Variants in FLT1 observed in about 807,000 individuals in gnomAD.
FLT1 encodes vascular endothelial growth factor receptor 1.
In FLT1, 49 loss-of-function variants were observed where a neutral mutation model predicts 156.3. That is an observed-to-expected ratio of 0.31 (90% CI 0.25 to 0.40). The LOEUF is 0.40. Among genes scored for constraint, FLT1 ranks in the 10% least tolerant of loss-of-function variants. FLT1 has a pLI of 1.00. For missense variants in FLT1, 1,322 were observed against 1,637.2 expected (o/e 0.81, Z 3.32); for synonymous variants, 594 against 583.8 (o/e 1.02, Z -0.25).
intron 14 of FLT1, among the ~76,000 whole-genome samples, chr13:28,377,629 C>T (rs757573294): frequency 1.3e-5 from 2 of 152,166 alleles, no homozygotes; most frequent in African/African-American, 4.8e-5. Flanking sequence ...TTTGCAGAGC[C>T]TAGCGCAGTG....
intron 3 of FLT1, among the ~76,000 whole-genome samples, chr13:28,455,547 T>A (rs1879212865): frequency 6.6e-6 from 1 of 152,094 alleles, no homozygotes. Context: ...TCCTAGAATA[T>A]AACAGGAGAA....
chr13:28,378,098 G>A (rs1361386396), intron 14 of FLT1, among the ~76,000 whole-genome samples: 3 of 150,478 alleles, frequency 2.0e-5, no homozygotes, highest in African/African-American at 7.4e-5. Context: ...TGCCAGGCTG[G>A]AGTGCAGTGG....
intron 4 of FLT1, 32 bp from the exon 5 acceptor site, chr13:28,434,252 C>T (rs1877894673): frequency 6.2e-7 from 1 of 1,602,668 alleles, no homozygotes; most frequent in South Asian, 1.1e-5. Context: ...TTAACAAGGT[C>T]CTATTAGCAC....
At chr13:28,426,338 G>C (rs1357562669) in intron 10 of FLT1, among the ~76,000 whole-genome samples, 1 of 151,972 alleles carries the variant, frequency 6.6e-6, no homozygotes, top group African/African-American at 2.4e-5. Context: ...AACAAAAAGA[G>C]GAAAAAGCAA....
At chr13:28,467,979 AT>A in intron 1 of FLT1, among the ~76,000 whole-genome samples, 1 of 152,238 alleles carries the variant, frequency 6.6e-6, no homozygotes, top group South Asian at 2.1e-4. Flanking sequence ...ACTCTCAAGA[AT>A]AAATGTCAGT....
rs1006441378 is a variant in FLT1 at position 28,372,585 on chromosome 13, T to C, written c.2116+12300A>G. Among the ~76,000 whole-genome samples, 31 of 132,346 alleles carry C rather than the reference T, an allele frequency of 2.3e-4. 1 individual carries two copies. Among genetic ancestry groups the C allele is most frequent in the South Asian group, 1.1e-3 (4 of 3,734 alleles). The allele number at this position is 132,346 out of a possible 152,430, so 86.8% of individuals were successfully genotyped here. A position where few individuals can be genotyped will look rare whatever the true frequency, so the allele number is the denominator to read the frequency against. On this transcript the variant is annotated intron_variant, in intron 14 of 29. Coordinates refer to ENST00000282397, the MANE Select transcript of FLT1 (RefSeq NM_002019.4). Reference sequence around the variant, plus strand: ...TAAAATGTATATATATATATATATATATATATATATATATATAGCTGGGTG... The same window carrying C: ...TAAAATGTATATATATATATATATACATATATATATATATATAGCTGGGTG...
At position 28,322,468 on chromosome 13, in the gene FLT1, CA is replaced by C. The variant is rs756500048; in HGVS notation, c.2954-110del. Reference sequence around the variant, plus strand: ...ACATAAAACAAACCAACAAGTAGATCAGAGTTCATTTTTAAGAGTATTTGAG... The same window carrying C: ...ACATAAAACAAACCAACAAGTAGATCGAGTTCATTTTTAAGAGTATTTGAG... On this transcript the variant is annotated intron_variant, in intron 21 of 29. Coordinates refer to ENST00000282397, the MANE Select transcript of FLT1 (RefSeq NM_002019.4). This position sits in a 1 kb window ranked among gnomAD's most constrained non-coding sequence, Gnocchi z 4.3. 2.5e-6 allele frequency: 2 copies of C among 799,532 alleles called. No individual in the cohort carries two copies. Among genetic ancestry groups the C allele is most frequent in the East Asian group, 5.2e-5 (2 of 38,386 alleles). 49.5% of individuals were successfully genotyped at this position (799,532 alleles called of 1,614,324 possible).
chr13:28,484,888 T>C (rs925828606), intron 1 of FLT1, among the ~76,000 whole-genome samples: 2 of 145,104 alleles, frequency 1.4e-5, no homozygotes, highest in African/African-American at 5.1e-5. Flanking sequence ...AAGAGGACCG[T>C]ACCTCTCGGG....
At chr13:28,387,026 A>C in intron 13 of FLT1, 1 of 1,038,174 alleles carries the variant, frequency 9.6e-7, no homozygotes, top group South Asian at 4.6e-5. Flanking sequence ...CATCATCAAC[A>C]CAGACACGAT....
chr13:28,422,507 C>T (rs982951693), intron 10 of FLT1, among the ~76,000 whole-genome samples: 3 of 152,278 alleles, frequency 2.0e-5, no homozygotes, highest in East Asian at 3.9e-4. Context: ...GGCATTGAAC[C>T]TCCCTAGAAT....
At position 28,397,050 on chromosome 13, in the gene FLT1, C is replaced by T; in HGVS notation, c.1570G>A (p.Val524Met). The change falls in exon 12 of 30, where the codon GTG becomes ATG. Residue 524 changes from valine (V) to methionine (M), a missense_variant. Coordinates refer to ENST00000282397, the MANE Select transcript of FLT1 (RefSeq NM_002019.4). ...ATTCCAGAAATTCTAGAGTCAGCCACAACCAAGGTGCTAGCCATCTGCAAA... is the reference window on the plus strand; with the variant it reads ...ATTCCAGAAATTCTAGAGTCAGCCATAACCAAGGTGCTAGCCATCTGCAAA... Reference protein sequence around the residue: ...GKNKMASTLVVADSRISGIYI... With the variant: ...GKNKMASTLVMADSRISGIYI... The T allele has an allele frequency of 6.2e-7, 1 of 1,612,642 alleles. No homozygotes were observed. The highest frequency in any genetic ancestry group is 1.3e-5 in the African/African-American group (1 of 74,996).
chr13:28,381,560 AAAAC>A (rs567453602), intron 14 of FLT1, among the ~76,000 whole-genome samples: 6 of 152,200 alleles, frequency 3.9e-5, no homozygotes, highest in East Asian at 1.9e-4. Flanking sequence ...CTCCATCTCA[AAAAC>A]AAACAAACAA....
chr13:28,453,506 T>C (rs1879098516), intron 3 of FLT1, among the ~76,000 whole-genome samples: 1 of 152,214 alleles, frequency 6.6e-6, no homozygotes, highest in South Asian at 2.1e-4. Flanking sequence ...CTGAAGTCTT[T>C]TGCATGTGTG....
At chr13:28,458,083 C>T (rs561595667) in intron 3 of FLT1, among the ~76,000 whole-genome samples, 15 of 152,022 alleles carry the variant, frequency 9.9e-5, no homozygotes, top group African/African-American at 2.7e-4. Flanking sequence ...TATACACATG[C>T]GCCATCACAC....
chr13:28,447,438 C>T (rs994969409), intron 3 of FLT1, among the ~76,000 whole-genome samples: 11 of 152,030 alleles, frequency 7.2e-5, no homozygotes, highest in South Asian at 2.1e-4. Flanking sequence ...CCTCCTGCCC[C>T]GGTCTCCCAA....
intron 3 of FLT1, among the ~76,000 whole-genome samples, chr13:28,444,573 T>C (rs1878508013): frequency 6.6e-6 from 1 of 152,212 alleles, no homozygotes. Context: ...GTATATATTT[T>C]CCTCAAGTGC....
intron 13 of FLT1, chr13:28,387,681 C>T (rs892808372): frequency 9.4e-7 from 1 of 1,063,166 alleles, no homozygotes; most frequent in African/African-American, 1.6e-5. Flanking sequence ...AATTATTCCC[C>T]ATTTTAGGCT....
Position 28,322,393 on chromosome 13 carries a change from G to T in FLT1, c.2954-34C>A. 1 of 1,363,356 alleles carries T rather than the reference G, an allele frequency of 7.3e-7. No individual in the cohort carries two copies. The highest frequency in any genetic ancestry group is 1.1e-6 in the Non-Finnish European group (1 of 951,624). 84.5% of individuals were successfully genotyped at this position (1,363,356 alleles called of 1,614,324 possible). ...CATTAGAACCGTAACTGTTTGTAATGGCTCTTGTTATCCCACCAAATCCCA... is the reference window on the plus strand; with the variant it reads ...CATTAGAACCGTAACTGTTTGTAATTGCTCTTGTTATCCCACCAAATCCCA... On this transcript the variant is annotated intron_variant, in intron 21 of 29. Transcript: ENST00000282397. This position sits in a 1 kb window ranked among gnomAD's most constrained non-coding sequence, Gnocchi z 4.3.
chr13:28,331,751 A>G (rs1871940054), intron 18 of FLT1, among the ~76,000 whole-genome samples: 1 of 152,152 alleles, frequency 6.6e-6, no homozygotes, highest in Non-Finnish European at 1.5e-5. Flanking sequence ...TATCTCCCAG[A>G]ATCAGATGGC....
Sources: allele counts gnomAD v4.1 joint callset (sites outside exome capture counted in the v4.1 genomes callset), GRCh38; gene constraint gnomAD v4.1.1; non-coding constraint Gnocchi (gnomAD v3.1); transcripts MANE v1.5; gene names NCBI Gene and HGNC (gene_info 2026-07-23, HGNC 2026-07-21).